TCF7L2: variants seen among roughly 807,000 people sequenced by gnomAD.
The protein encoded by TCF7L2 is transcription factor 7 like 2.
In TCF7L2, 23 loss-of-function variants were observed where a neutral mutation model predicts 77.9. The ratio of observed to expected loss-of-function variants is 0.30; its 90% CI spans 0.21 to 0.42. The LOEUF (loss-of-function observed/expected upper bound fraction) is 0.42. Ranked by LOEUF, TCF7L2 falls within the 10% of genes least tolerant of loss-of-function variation. The pLI is 1.00. For synonymous variants in TCF7L2, 413 were observed against 340.2 expected, an observed-to-expected ratio of 1.21 and a Z score of -2.36; for missense variants, 654 against 793.1, an observed-to-expected ratio of 0.82 and a Z score of 2.11.
chr10:113,009,358 A>G (rs2046083663), intron 4 of TCF7L2, among the ~76,000 whole-genome samples: 1 of 152,172 alleles, frequency 6.6e-6, no homozygotes, highest in Non-Finnish European at 1.5e-5. Context: ...GTCTCAGCAA[A>G]TCACTGCCAT....
chr10:113,158,620 A>G (rs374078851), intron 12 of TCF7L2, 47 bp from the exon 13 acceptor site: 3 of 1,608,260 alleles, frequency 1.9e-6, no homozygotes, highest in African/African-American at 2.7e-5. Context: ...ACAAACAAAC[A>G]AAACAAAAAT....
intron 5 of TCF7L2, among the ~76,000 whole-genome samples, chr10:113,094,397 T>G (rs960889991): frequency 1.3e-5 from 2 of 152,210 alleles, no homozygotes; most frequent in African/African-American, 4.8e-5. Flanking sequence ...GGGTACTGTA[T>G]TTTTCAGTAC....
chr10:113,137,615 C>G (rs1308923678), intron 5 of TCF7L2, among the ~76,000 whole-genome samples: 1 of 152,210 alleles, frequency 6.6e-6, no homozygotes, highest in African/African-American at 2.4e-5. Context: ...ATAGTGTCTG[C>G]AAGGGTATTG....
intron 1 of TCF7L2, 126 bp from the exon 2 acceptor site, chr10:112,951,081 T>G: frequency 7.6e-7 from 1 of 1,312,346 alleles, no homozygotes; most frequent in East Asian, 2.7e-5. Flanking sequence ...GTGCCACCAT[T>G]GCAAAAACTT....
At chr10:113,107,906 G>A (rs977954889) in intron 5 of TCF7L2, among the ~76,000 whole-genome samples, 6 of 152,004 alleles carry the variant, frequency 3.9e-5, no homozygotes, top group Admixed American at 3.9e-4. Flanking sequence ...AGTAATTAAA[G>A]CAATTACACA....
At position 113,012,421 on chromosome 10, in the gene TCF7L2, G is replaced by A. The variant is rs549070226; in HGVS notation, c.451-27604G>A. 2.0e-4 allele frequency among the ~76,000 whole-genome samples: 31 copies of A among 152,300 alleles called. No homozygotes were observed. The South Asian group carries it at 6.2e-3, about 31-fold the overall frequency. The stretch of plus-strand genomic sequence containing the variant: ...CGTGAGCAATATTTGTTGAGTCTCT[G>A]TGGTGGGTTCTAGGGGTTCAGAGGA... On this transcript the variant is annotated intron_variant, in intron 4 of 13. Transcript: ENST00000627217.
rs528067077 is a variant in TCF7L2, at chr10:112,950,634, C to A, written c.-123C>A. 1.2e-4 allele frequency: 149 copies of A among 1,217,766 alleles called. No individual in the cohort carries two copies. In the African/African-American group the frequency reaches 2.0e-3, roughly 17 times the overall value. 75.4% of individuals were successfully genotyped at this position (1,217,766 alleles called of 1,614,324 possible). On this transcript the variant is annotated 5_prime_UTR_variant, in exon 1 of 14. Coordinates refer to ENST00000627217, the MANE Select transcript of TCF7L2 (RefSeq NM_001146274.2). ...GACCCCCAAGCAGAAAAAAGTTCAC[C>A]TTGGACTCGTCTTTTTCTTGCAATA...
chr10:112,999,400 TG>T (rs1419554316), intron 4 of TCF7L2, among the ~76,000 whole-genome samples: 1 of 152,214 alleles, frequency 6.6e-6, no homozygotes, highest in Non-Finnish European at 1.5e-5. Flanking sequence ...AATGTCTTTG[TG>T]GGGAGGTTTA....
intron 5 of TCF7L2, among the ~76,000 whole-genome samples, chr10:113,079,777 T>C (rs1316568927): frequency 5.3e-5 from 8 of 151,824 alleles, no homozygotes; most frequent in Non-Finnish European, 8.8e-5. Context: ...CGTGCCTCAG[T>C]TACCCAAGTA....
Position 113,158,053 on chromosome 10 carries a change from G to A in TCF7L2, c.1302G>A (p.Gln434=), listed in dbSNP as rs1302051204. The A allele has an allele frequency of 1.9e-6, 3 of 1,598,678 alleles. No homozygotes were observed. The highest frequency in any genetic ancestry group is 2.6e-6 in the Non-Finnish European group (3 of 1,171,760). ...AGAAGAAGAGGAAAAGGGACAAGCA[G>A]CCGGGAGAGACCAATGGTAAGTGAC... The change falls in exon 12 of 14, where the codon CAG becomes CAA. Residue 434 remains glutamine, a synonymous_variant. Transcript: ENST00000627217.
chr10:112,995,184 T>C (rs559485905), intron 4 of TCF7L2, among the ~76,000 whole-genome samples: 2 of 152,220 alleles, frequency 1.3e-5, no homozygotes, highest in African/African-American at 4.8e-5. Context: ...TGGGTAGAGA[T>C]GGGAACCCAG....
intron 4 of TCF7L2, among the ~76,000 whole-genome samples, chr10:113,024,243 A>T (rs1276174228): frequency 6.6e-6 from 1 of 152,094 alleles, no homozygotes; most frequent in South Asian, 2.1e-4. Context: ...GATTGCAGTG[A>T]GCCAAGATCA....
intron 3 of TCF7L2, among the ~76,000 whole-genome samples, chr10:112,952,999 C>G (rs973192654): frequency 6.6e-6 from 1 of 152,132 alleles, no homozygotes; most frequent in Non-Finnish European, 1.5e-5. Flanking sequence ...TATTTACACA[C>G]ACGACTTTTG....
intron 5 of TCF7L2, among the ~76,000 whole-genome samples, chr10:113,054,588 A>C (rs1007119109): frequency 3.3e-5 from 5 of 152,206 alleles, no homozygotes; most frequent in Admixed American, 1.3e-4. Context: ...ACAACAACAA[A>C]AAAATACAGA....
intron 4 of TCF7L2, among the ~76,000 whole-genome samples, chr10:113,028,024 C>A (rs935316676): frequency 1.3e-5 from 2 of 152,194 alleles, no homozygotes; most frequent in African/African-American, 4.8e-5. Flanking sequence ...CTGCCTTCAT[C>A]TTTTACTGTG....
intron 5 of TCF7L2, among the ~76,000 whole-genome samples, chr10:113,095,347 A>T (rs1222069895): frequency 6.6e-6 from 1 of 152,158 alleles, no homozygotes; most frequent in Non-Finnish European, 1.5e-5. Flanking sequence ...ACCCCAGTTC[A>T]TGCTCACTGG....
chr10:113,147,110 T>A (rs1194307394), intron 8 of TCF7L2, among the ~76,000 whole-genome samples: 1 of 152,242 alleles, frequency 6.6e-6, no homozygotes, highest in Non-Finnish European at 1.5e-5. Flanking sequence ...GATAGTTTTA[T>A]TTTCTGTTCA....
chr10:113,029,390 A>C (rs1263150823), intron 4 of TCF7L2, among the ~76,000 whole-genome samples: 1 of 152,166 alleles, frequency 6.6e-6, no homozygotes, highest in Admixed American at 6.5e-5. Flanking sequence ...AACCAAAATC[A>C]CATTTGGAAA....
intron 5 of TCF7L2, among the ~76,000 whole-genome samples, chr10:113,075,359 T>TC (rs1270106137): frequency 6.6e-6 from 1 of 151,878 alleles, no homozygotes; most frequent in Non-Finnish European, 1.5e-5. Context: ...TCCTGGAGGC[T>TC]GAGGCAGGAG....
Sources: gnomAD v4.1 joint callset for allele counts (sites outside exome capture counted in the v4.1 genomes callset) on GRCh38, gnomAD v4.1.1 for gene constraint, MANE v1.5 for transcripts, NCBI Gene and HGNC (gene_info 2026-07-23, HGNC 2026-07-21) for gene names.